The following NCKAP5 variants were observed in gnomAD, a reference collection of about 807,000 sequenced individuals.
The protein encoded by NCKAP5 is nck-associated protein 5.
A neutral mutation model predicts 167.0 loss-of-function variants in NCKAP5; 92 were observed. The observed-to-expected ratio is 0.55, with a 90% CI of 0.47 to 0.66. The LOEUF is 0.66. NCKAP5 is among the 30% of genes least tolerant of loss of function. The pLI is 0.00. For synonymous variants in NCKAP5, 891 were observed against 877.4 expected (o/e 1.02, Z -0.27); for missense variants, 2,378 against 2,315.0 (o/e 1.03, Z -0.56).
At chr2:133,222,194 T>A (rs1407456408) in intron 4 of NCKAP5, among the ~76,000 whole-genome samples, 1 of 152,170 alleles carries the variant, frequency 6.6e-6, no homozygotes, top group African/African-American at 2.4e-5. Flanking sequence ...AAAGAGCTTT[T>A]GTTTTTGTCA....
intron 3 of NCKAP5, among the ~76,000 whole-genome samples, chr2:133,329,352 C>T (rs1207296179): frequency 6.6e-6 from 1 of 152,062 alleles, no homozygotes; most frequent in African/African-American, 2.4e-5. Context: ...GAGGGAGTAC[C>T]AAGCATGCCT....
intron 6 of NCKAP5, among the ~76,000 whole-genome samples, chr2:133,006,469 C>T (rs780253310): frequency 1.3e-5 from 2 of 152,176 alleles, no homozygotes; most frequent in African/African-American, 2.4e-5. Flanking sequence ...AAACAGGCCA[C>T]ATGCTGTCTG....
intron 11 of NCKAP5, among the ~76,000 whole-genome samples, chr2:132,844,757 C>A (rs1466752554): frequency 6.6e-6 from 1 of 152,076 alleles, no homozygotes; most frequent in African/African-American, 2.4e-5. Flanking sequence ...TCACATGTCA[C>A]CCTCTGCACA....
chr2:133,661,703 C>A, the NCKAP5 span, among the ~76,000 whole-genome samples: 1 of 152,130 alleles, frequency 6.6e-6, no homozygotes, highest in Admixed American at 6.5e-5. Flanking sequence ...ATGGCCTTGG[C>A]AGCTATTTGA....
intron 8 of NCKAP5, among the ~76,000 whole-genome samples, chr2:132,882,775 T>G (rs1691868444): frequency 6.6e-6 from 1 of 152,190 alleles, no homozygotes; most frequent in African/African-American, 2.4e-5. Flanking sequence ...AAAACTATAT[T>G]AAAGGGTATA....
chr2:133,333,127 C>G lies in NCKAP5; in HGVS notation c.70-30017G>C, dbSNP rs145414203. Among the ~76,000 whole-genome samples the G allele has an allele frequency of 1.7e-3, 263 of 152,300 alleles. 1 individual carries two copies. The highest frequency in any genetic ancestry group is 6.2e-3 in the African/African-American group (256 of 41,558). ...TGGCAGGATGAATACAAAGCCTCCA[C>G]AAATTAAGTCTTCCCAGAATTAGTT... On this transcript the variant is annotated intron_variant, in intron 3 of 19. Coordinates refer to ENST00000409261, the MANE Select transcript of NCKAP5 (RefSeq NM_207363.3).
chr2:133,119,168 A>G (rs1384851110), intron 6 of NCKAP5: 2 of 152,052 alleles, frequency 1.3e-5, no homozygotes, highest in Non-Finnish European at 2.9e-5. Context: ...TATGCCAGCT[A>G]ATTTTTGTAG....
intron 3 of NCKAP5, among the ~76,000 whole-genome samples, chr2:133,469,316 T>C (rs1481135376): frequency 6.6e-6 from 1 of 151,982 alleles, no homozygotes; most frequent in Non-Finnish European, 1.5e-5. Flanking sequence ...AATTCTTTTC[T>C]TTAAGAATGT....
chr2:133,335,955 T>A (rs1170815374), intron 3 of NCKAP5, among the ~76,000 whole-genome samples: 2 of 152,192 alleles, frequency 1.3e-5, no homozygotes, highest in Non-Finnish European at 2.9e-5. Flanking sequence ...TCTCAAGGCA[T>A]CTTGCTCTTG....
intron 3 of NCKAP5, among the ~76,000 whole-genome samples, chr2:133,327,645 T>C (rs1470156981): frequency 6.6e-6 from 1 of 152,182 alleles, no homozygotes; most frequent in Non-Finnish European, 1.5e-5. Context: ...GAAAACAGTA[T>C]TTGTTAAGGT....
At chr2:132,772,807 C>T (rs1443126498) in intron 16 of NCKAP5, among the ~76,000 whole-genome samples, 1 of 152,208 alleles carries the variant, frequency 6.6e-6, no homozygotes, top group Non-Finnish European at 1.5e-5. Context: ...CTCTCTCAGA[C>T]AAACTATAAA....
intron 3 of NCKAP5, among the ~76,000 whole-genome samples, chr2:133,469,531 G>C (rs1476419938): frequency 6.6e-6 from 1 of 151,928 alleles, no homozygotes; most frequent in African/African-American, 2.4e-5. Flanking sequence ...GGCACTCTCT[G>C]TATTTCCTGA....
At chr2:132,997,539 TAAGGTACAGA>T (rs33922722) in intron 6 of NCKAP5, among the ~76,000 whole-genome samples, 2,568 of 152,270 alleles carry the variant, frequency 0.017, 64 homozygotes, top group African/African-American at 0.059. Context: ...ATGAGAAACC[TAAGGTACAGA>T]AAGGTTAGAT....
At chr2:133,611,132 A>C in the NCKAP5 span, among the ~76,000 whole-genome samples, 2 of 152,156 alleles carry the variant, frequency 1.3e-5, no homozygotes, top group East Asian at 1.9e-4. Context: ...CCCGAAAAAA[A>C]AAGGCATTTC....
chr2:133,284,527 C>T (rs947358747), intron 4 of NCKAP5, among the ~76,000 whole-genome samples: 5 of 152,122 alleles, frequency 3.3e-5, no homozygotes, highest in Non-Finnish European at 7.3e-5. Flanking sequence ...CATGATGCAC[C>T]GTGGCAATTC....
intron 8 of NCKAP5, among the ~76,000 whole-genome samples, chr2:132,895,210 A>G (rs917672188): frequency 3.3e-5 from 5 of 151,918 alleles, no homozygotes; most frequent in Non-Finnish European, 5.9e-5. Context: ...GGGCGCCTGT[A>G]GTCCCAGCTA....
chr2:132,921,809 C>G (rs1695455317), intron 8 of NCKAP5, among the ~76,000 whole-genome samples: 1 of 152,180 alleles, frequency 6.6e-6, no homozygotes. Flanking sequence ...AATACAGCAC[C>G]TCCACTCCTC....
intron 8 of NCKAP5, among the ~76,000 whole-genome samples, chr2:132,907,229 A>G (rs1694070417): frequency 6.6e-6 from 1 of 152,202 alleles, no homozygotes; most frequent in South Asian, 2.1e-4. Context: ...AACTCATAAC[A>G]ATGATCACCT....
chr2:133,552,753 A>G, intron 2 of NCKAP5, among the ~76,000 whole-genome samples: 1 of 137,548 alleles, frequency 7.3e-6, no homozygotes, highest in Non-Finnish European at 1.7e-5. Flanking sequence ...AATAAAAAAA[A>G]AAGAAAAAGA....
Sources: allele counts gnomAD v4.1 joint callset (sites outside exome capture counted in the v4.1 genomes callset), GRCh38; gene constraint gnomAD v4.1.1; transcripts MANE v1.5; gene names NCBI Gene and HGNC (gene_info 2026-07-23, HGNC 2026-07-21).